MIPOL1: variants seen among roughly 807,000 people sequenced by gnomAD.
The protein encoded by MIPOL1 is mirror-image polydactyly gene 1 protein.
In MIPOL1, 57 loss-of-function variants were observed where a neutral mutation model predicts 60.9. The ratio of observed to expected loss-of-function variants is 0.94; its 90% CI spans 0.76 to 1.17. The LOEUF (loss-of-function observed/expected upper bound fraction) is 1.17. MIPOL1 is among the 50% of genes most tolerant of loss of function. MIPOL1 has a pLI of 0.00. For synonymous variants in MIPOL1, 179 were observed against 168.8 expected (o/e 1.06, Z -0.47); for missense variants, 551 against 511.6 (o/e 1.08, Z -0.74).
At chr14:37,261,447 T>C (rs2082514567) in intron 3 of MIPOL1, among the ~76,000 whole-genome samples, 1 of 152,092 alleles carries the variant, frequency 6.6e-6, no homozygotes, top group Admixed American at 6.6e-5. Context: ...ATGCTGACTA[T>C]TGATCATCAA....
intron 10 of MIPOL1, among the ~76,000 whole-genome samples, chr14:37,415,606 G>T (rs927984273): frequency 7.0e-6 from 1 of 142,528 alleles, no homozygotes; most frequent in Non-Finnish European, 1.5e-5. Flanking sequence ...TCCAGCCTGG[G>T]CGACAGAGCG....
chr14:37,313,983 A>G (rs557641994), intron 9 of MIPOL1, among the ~76,000 whole-genome samples: 1 of 152,274 alleles, frequency 6.6e-6, no homozygotes, highest in African/African-American at 2.4e-5. Flanking sequence ...TGTTAAGGCC[A>G]AATCAGTGAT....
chr14:37,224,096 C>T (rs1277500662), intron 1 of MIPOL1, among the ~76,000 whole-genome samples: 2 of 152,110 alleles, frequency 1.3e-5, no homozygotes, highest in East Asian at 1.9e-4. Flanking sequence ...ATGGCAGCAC[C>T]TGTATCTAAA....
chr14:37,317,235 TG>T (rs557006547), intron 9 of MIPOL1, among the ~76,000 whole-genome samples: 108 of 152,274 alleles, frequency 7.1e-4, no homozygotes, highest in Non-Finnish European at 1.2e-3. Flanking sequence ...AGATTTTCAG[TG>T]GATTAGTGGA....
intron 12 of MIPOL1, among the ~76,000 whole-genome samples, chr14:37,538,010 A>T (rs534621193): frequency 6.6e-6 from 1 of 152,274 alleles, no homozygotes; most frequent in South Asian, 2.1e-4. Context: ...TCTAATTGAA[A>T]TAGATATAAG....
intron 1 of MIPOL1, among the ~76,000 whole-genome samples, chr14:37,242,210 A>G (rs1972471366): frequency 6.6e-6 from 1 of 152,114 alleles, no homozygotes; most frequent in Non-Finnish European, 1.5e-5. Context: ...ACCTATAAAT[A>G]TAAAATGAAA....
chr14:37,502,471 G>A (rs1235892209), intron 12 of MIPOL1: 1 of 152,446 alleles, frequency 6.6e-6, no homozygotes, highest in Non-Finnish European at 1.5e-5. Context: ...GTGATACCCA[G>A]GCAAACAGGG....
rs752891623 is a variant in MIPOL1 at position 37,546,999 on chromosome 14, C to T, written c.*28C>T. 1.1e-5 allele frequency: 18 copies of T among 1,597,790 alleles called. No homozygotes were observed. The African/African-American group carries it at 1.6e-4, about 14-fold the overall frequency. On this transcript the variant is annotated 3_prime_UTR_variant, in exon 13 of 13. Transcript: ENST00000684589. ...GAAAAAAAACGACAGTCTGGGGAAG[C>T]GATCACATCTGGTGACCAGGCTGCT...
chr14:37,322,531 A>G (rs1253381415), intron 9 of MIPOL1, among the ~76,000 whole-genome samples: 1 of 151,874 alleles, frequency 6.6e-6, no homozygotes, highest in Non-Finnish European at 1.5e-5. Flanking sequence ...TTGGCTCAGG[A>G]GGATTTTTTT....
intron 12 of MIPOL1, among the ~76,000 whole-genome samples, chr14:37,527,217 TG>T (rs947488653): frequency 3.7e-4 from 57 of 152,136 alleles, no homozygotes; most frequent in African/African-American, 7.5e-4. Flanking sequence ...AAATTTTGCA[TG>T]TTTTTTTTTA....
At chr14:37,516,520 C>G (rs1440873961) in intron 12 of MIPOL1, among the ~76,000 whole-genome samples, 1 of 152,156 alleles carries the variant, frequency 6.6e-6, no homozygotes, top group African/African-American at 2.4e-5. Flanking sequence ...ATGAATCAAT[C>G]TAATTAAAAT....
intron 7 of MIPOL1, among the ~76,000 whole-genome samples, chr14:37,290,367 A>G (rs1438273073): frequency 6.6e-6 from 1 of 152,102 alleles, no homozygotes; most frequent in South Asian, 2.1e-4. Flanking sequence ...CTGGGACTAC[A>G]GGTGAGTGCC....
intron 12 of MIPOL1, chr14:37,545,978 T>G: frequency 4.3e-6 from 1 of 233,986 alleles, no homozygotes; most frequent in Non-Finnish European, 8.2e-6. Flanking sequence ...AAGGAAGATT[T>G]CTATGTGTAT....
At chr14:37,201,206 G>A (rs1965285071) in intron 1 of MIPOL1, among the ~76,000 whole-genome samples, 1 of 152,028 alleles carries the variant, frequency 6.6e-6, no homozygotes, top group Non-Finnish European at 1.5e-5. Flanking sequence ...CACCTGGCCA[G>A]TATTGTAAAG....
chr14:37,302,886 T>G (rs1178103173), intron 7 of MIPOL1, among the ~76,000 whole-genome samples: 2 of 151,872 alleles, frequency 1.3e-5, no homozygotes, highest in African/African-American at 4.8e-5. Context: ...ATTACAGAAT[T>G]GTTTTGGCTA....
Position 37,214,779 on chromosome 14 carries a change from C to A in MIPOL1, c.-199+16675C>A, listed in dbSNP as rs551906460. Reference sequence around the variant, plus strand: ...AGGCCTCCTTGGTCTAGCAGTAATGCCAGTGTCTGGAAAGACACCCATTAC... The same window carrying A: ...AGGCCTCCTTGGTCTAGCAGTAATGACAGTGTCTGGAAAGACACCCATTAC... On this transcript the variant is annotated intron_variant, in intron 1 of 12. Coordinates refer to ENST00000684589, the MANE Select transcript of MIPOL1 (RefSeq NM_001388067.1). Among the ~76,000 whole-genome samples the A allele has an allele frequency of 2.2e-4, 33 of 152,216 alleles. No individual in the cohort carries two copies. The South Asian group carries it at 6.9e-3, about 32-fold the overall frequency.
In MIPOL1 at chr14:37,422,965, G is replaced by A. The variant is rs1423056070; in HGVS notation, c.1031+16G>A. On this transcript the variant is annotated intron_variant, in intron 11 of 12. Transcript: ENST00000684589. ...TTTACTACAGGTAAAATTCTTTTTA[G>A]CCTGGGGTTAAGTAAATATTGTTAG... is the stretch of plus-strand genomic sequence containing the variant. The A allele has an allele frequency of 6.6e-7, 1 of 1,504,788 alleles. No homozygotes were observed. The highest frequency in any genetic ancestry group is 2.3e-5 in the East Asian group (1 of 42,780). The allele number at this position is 1,504,788 out of a possible 1,614,324, so 93.2% of individuals were successfully genotyped here. A position where few individuals can be genotyped will look rare whatever the true frequency, so the allele number is the denominator to read the frequency against.
At chr14:37,394,407 C>T (rs1039640470) in intron 10 of MIPOL1, among the ~76,000 whole-genome samples, 6 of 151,940 alleles carry the variant, frequency 3.9e-5, no homozygotes, top group Non-Finnish European at 7.4e-5. Context: ...CTGATCACTG[C>T]ATCCATACCG....
At chr14:37,501,376 T>C (rs1428722094) in intron 12 of MIPOL1, 4 of 152,178 alleles carry the variant, frequency 2.6e-5, no homozygotes, top group African/African-American at 9.7e-5. Context: ...AGTCTACAAA[T>C]ACATACAAAT....
Sources: allele counts gnomAD v4.1 joint callset (sites outside exome capture counted in the v4.1 genomes callset), GRCh38; gene constraint gnomAD v4.1.1; transcripts MANE v1.5; gene names NCBI Gene and HGNC (gene_info 2026-07-23, HGNC 2026-07-21).